The following RSRC1 variants were observed in gnomAD, a reference collection of about 807,000 sequenced individuals.
RSRC1 encodes the protein serine/Arginine-related protein 53.
RSRC1 carries 39 observed loss-of-function variants against 49.1 expected under a neutral mutation model. The observed-to-expected ratio is 0.79, with a 90% confidence interval of 0.61 to 1.04. The LOEUF (loss-of-function observed/expected upper bound fraction) is 1.04, where lower values mean the gene tolerates loss of function less well. Among genes scored for constraint, RSRC1 ranks in the 50% least tolerant of loss-of-function variants. The pLI, the probability that RSRC1 is intolerant of heterozygous loss-of-function variation, is 0.00. For synonymous variants in RSRC1, 143 were observed against 130.8 expected (o/e 1.09, Z -0.63); for missense variants, 388 against 402.4 (o/e 0.96, Z 0.31).
chr3:158,305,464 T>A (rs1727787441), intron 5 of RSRC1, among the ~76,000 whole-genome samples: 1 of 152,080 alleles, frequency 6.6e-6, no homozygotes, highest in East Asian at 1.9e-4. Context: ...ACTACTGCAA[T>A]AACTGAATAT....
Position 158,518,106 on chromosome 3 carries a change from G to A in RSRC1, c.653-18986G>A, listed in dbSNP as rs1190500378. Among the ~76,000 whole-genome samples the A allele has an allele frequency of 1.8e-4, 13 of 73,256 alleles. 1 individual carries two copies. Among genetic ancestry groups the A allele is most frequent in the South Asian group, 1.5e-3 (3 of 2,018 alleles). 48.1% of individuals were successfully genotyped at this position (73,256 alleles called of 152,430 possible). ...TACGTAAGTGCGTGCGTGTGTGTGT[G>A]TGTGTGTGTGTGTGTGTGTGTATAT... On this transcript the variant is annotated intron_variant, in intron 7 of 9. Coordinates refer to ENST00000611884, the MANE Select transcript of RSRC1 (RefSeq NM_001271838.2).
intron 7 of RSRC1, among the ~76,000 whole-genome samples, chr3:158,476,595 C>A (rs1359589910): frequency 6.6e-6 from 1 of 152,114 alleles, no homozygotes; most frequent in East Asian, 1.9e-4. Flanking sequence ...GCCTGGATGA[C>A]AACACATCTG....
chr3:158,139,403 C>T (rs1464881799), intron 3 of RSRC1, among the ~76,000 whole-genome samples: 7 of 150,324 alleles, frequency 4.7e-5, no homozygotes, highest in Non-Finnish European at 7.4e-5. Flanking sequence ...AAGACTTAGT[C>T]TGGAAAAAAA....
At position 158,238,662 on chromosome 3, in the gene RSRC1, A is replaced by G. The variant is rs377041025; in HGVS notation, c.494+35417A>G. On this transcript the variant is annotated intron_variant, in intron 4 of 9. Transcript: ENST00000611884. ...ATGGTGCTTGGAAAACTGGCTAGCC[A>G]TATGTAGAAAGCTGAAACTGGTTCC... is the stretch of plus-strand genomic sequence containing the variant. Among the ~76,000 whole-genome samples the G allele has an allele frequency of 4.3e-4, 66 of 152,360 alleles. 1 individual carries two copies. In the South Asian group the frequency reaches 0.012, roughly 29 times the overall value.
At chr3:158,312,837 C>T (rs553073992) in intron 5 of RSRC1, among the ~76,000 whole-genome samples, 1 of 152,214 alleles carries the variant, frequency 6.6e-6, no homozygotes, top group Non-Finnish European at 1.5e-5. Context: ...AGCTTTAGTG[C>T]TTGCTGCCTG....
chr3:158,315,181 A>C (rs1289014782), intron 5 of RSRC1, among the ~76,000 whole-genome samples: 1 of 152,188 alleles, frequency 6.6e-6, no homozygotes, highest in African/African-American at 2.4e-5. Context: ...TAATGAAGGC[A>C]CTTTGAATGG....
chr3:158,315,406 A>G (rs1728374628), intron 5 of RSRC1, among the ~76,000 whole-genome samples: 2 of 152,156 alleles, frequency 1.3e-5, no homozygotes, highest in Non-Finnish European at 2.9e-5. Flanking sequence ...ATTATGGTGG[A>G]ATTTTTGGTG....
chr3:158,114,814 T>A (rs1434433016), intron 1 of RSRC1, among the ~76,000 whole-genome samples: 1 of 152,158 alleles, frequency 6.6e-6, no homozygotes. Flanking sequence ...CTGTTGTTAG[T>A]GTATAGGAAT....
chr3:158,283,816 G>T (rs1201822450), intron 4 of RSRC1, among the ~76,000 whole-genome samples: 1 of 151,814 alleles, frequency 6.6e-6, no homozygotes, highest in African/African-American at 2.4e-5. Flanking sequence ...GCTTCCACTG[G>T]CAGTGCATGA....
At chr3:158,137,003 T>A (rs1469122973) in intron 3 of RSRC1, 1 of 152,222 alleles carries the variant, frequency 6.6e-6, no homozygotes, top group Non-Finnish European at 1.5e-5. Flanking sequence ...TTACCTGAGG[T>A]AGTCCATTTT....
At chr3:158,150,723 A>T (rs1717478318) in intron 3 of RSRC1, among the ~76,000 whole-genome samples, 1 of 152,088 alleles carries the variant, frequency 6.6e-6, no homozygotes, top group Admixed American at 6.6e-5. Flanking sequence ...TTGATCTTTA[A>T]TCTGTGGAGT....
At chr3:158,509,984 T>C (rs79871605) in intron 7 of RSRC1, among the ~76,000 whole-genome samples, 1,543 of 152,298 alleles carry the variant, frequency 0.01, 15 homozygotes, top group African/African-American at 0.035. Flanking sequence ...TACACACATC[T>C]TCAGTTCAAC....
chr3:158,179,645 A>G (rs1719465915), intron 3 of RSRC1, among the ~76,000 whole-genome samples: 2 of 152,028 alleles, frequency 1.3e-5, no homozygotes, highest in Admixed American at 1.3e-4. Flanking sequence ...ACTATTATCC[A>G]TTGAAAGTTT....
intron 7 of RSRC1, among the ~76,000 whole-genome samples, chr3:158,492,645 ACTT>A (rs1392979936): frequency 6.6e-6 from 1 of 152,064 alleles, no homozygotes; most frequent in Non-Finnish European, 1.5e-5. Flanking sequence ...CTTTATCCTG[ACTT>A]CTGTTCTCAC....
At chr3:158,372,773 G>A (rs780546255) in intron 6 of RSRC1, among the ~76,000 whole-genome samples, 10 of 151,750 alleles carry the variant, frequency 6.6e-5, no homozygotes, top group Admixed American at 1.3e-4. Flanking sequence ...TATCAACTTC[G>A]TAGATCAATC....
chr3:158,297,446 A>G (rs1727294697), intron 4 of RSRC1, among the ~76,000 whole-genome samples: 1 of 151,870 alleles, frequency 6.6e-6, no homozygotes, highest in Non-Finnish European at 1.5e-5. Flanking sequence ...TTCTTTTTTG[A>G]TATTAAAATG....
At chr3:158,410,988 G>A (rs1444663853) in intron 6 of RSRC1, among the ~76,000 whole-genome samples, 1 of 151,828 alleles carries the variant, frequency 6.6e-6, no homozygotes, top group Non-Finnish European at 1.5e-5. Flanking sequence ...GCTTTTCTTT[G>A]TAGTTTCACT....
intron 7 of RSRC1, among the ~76,000 whole-genome samples, chr3:158,496,308 C>CA (rs1336674090): frequency 1.3e-5 from 2 of 152,110 alleles, no homozygotes; most frequent in Non-Finnish European, 2.9e-5. Context: ...TAGTGTGCCT[C>CA]AAAATCACCT....
chr3:158,366,145 G>C (rs955781094), intron 6 of RSRC1, among the ~76,000 whole-genome samples: 31 of 152,150 alleles, frequency 2.0e-4, no homozygotes, highest in African/African-American at 7.5e-4. Context: ...AAGCTCTTTA[G>C]TTTAATTAGA....
Sources: allele counts gnomAD v4.1 joint callset (sites outside exome capture counted in the v4.1 genomes callset), GRCh38; gene constraint gnomAD v4.1.1; transcripts MANE v1.5; gene names NCBI Gene and HGNC (gene_info 2026-07-23, HGNC 2026-07-21).